ABI3BP: variants seen among roughly 807,000 people sequenced by gnomAD.
The protein encoded by ABI3BP is ABI family member 3 binding protein, also known as target of Nesh-SH3.
In ABI3BP, 216 loss-of-function variants were observed where a neutral mutation model predicts 268.6. The observed-to-expected ratio is 0.80, with a 90% CI of 0.72 to 0.90. ABI3BP has a LOEUF of 0.90. Among genes scored for constraint, ABI3BP ranks in the 40% least tolerant of loss-of-function variants. The pLI is 0.00. For synonymous variants in ABI3BP, 730 were observed against 730.0 expected (o/e 1.00, Z 0.00); for missense variants, 2,090 against 2,182.4 (o/e 0.96, Z 0.84).
At chr3:100,904,350 A>C (rs2052133817) in intron 2 of ABI3BP, among the ~76,000 whole-genome samples, 1 of 152,156 alleles carries the variant, frequency 6.6e-6, no homozygotes, top group Non-Finnish European at 1.5e-5. Flanking sequence ...TGTGTTTTGC[A>C]AGGGAAGTCT....
intron 17 of ABI3BP, 129 bp downstream of exon 17, chr3:100,849,916 G>C (rs1210733590): frequency 2.7e-6 from 2 of 727,494 alleles, no homozygotes; most frequent in African/African-American, 3.5e-5. Context: ...GAATTTCATG[G>C]TAGAGACTGA....
At chr3:100,795,781 G>A in intron 53 of ABI3BP, 23 bp downstream of exon 53, 1 of 1,281,920 alleles carries the variant, frequency 7.8e-7, no homozygotes, top group Non-Finnish European at 1.0e-6. Context: ...AAACAGAGTT[G>A]GTCAATATGG....
In ABI3BP at chr3:100,828,446, G is replaced by A; in HGVS notation, c.2549C>T (p.Ala850Val). The change falls in exon 34 of 68, where the codon GCT (alanine) becomes GTT (valine). Residue 850 changes from alanine (A) to valine (V), a missense_variant. Transcript: ENST00000471714. ...PEELQTELVPATIFEPVSPIK... is the reference protein window; with the variant it reads ...PEELQTELVPVTIFEPVSPIK... ...AGGAGAAACTGGTTCAAAGATTGTA[G>A]CAGGAACTGGCCAAAAATAATAAAA... The A allele has an allele frequency of 2.6e-6, 4 of 1,534,460 alleles. No homozygotes were observed. Among genetic ancestry groups the A allele is most frequent in the Non-Finnish European group, 3.5e-6 (4 of 1,145,750 alleles).
intron 1 of ABI3BP, among the ~76,000 whole-genome samples, chr3:100,929,059 G>A (rs1393759003): frequency 6.6e-6 from 1 of 151,912 alleles, no homozygotes; most frequent in Non-Finnish European, 1.5e-5. Context: ...ATGTAAAATC[G>A]AACACATATT....
chr3:100,963,023 C>T (rs2079699411), intron 1 of ABI3BP, among the ~76,000 whole-genome samples: 1 of 152,142 alleles, frequency 6.6e-6, no homozygotes, highest in Admixed American at 6.5e-5. Flanking sequence ...TTTTCTAGTA[C>T]AGGAAATAAC....
In ABI3BP at chr3:100,752,297, A is replaced by G. The variant is rs137929220; in HGVS notation, c.5122+490T>C. On this transcript the variant is annotated intron_variant, in intron 66 of 67. Transcript: ENST00000471714. Reference sequence around the variant, plus strand: ...TGTGTTCAGCACTTAGAAGAGTTGAATGACTGAAAAAAATCTACTTTTTAA... The same window carrying G: ...TGTGTTCAGCACTTAGAAGAGTTGAGTGACTGAAAAAAATCTACTTTTTAA... 2.8e-3 allele frequency among the ~76,000 whole-genome samples: 430 copies of G among 152,340 alleles called. 2 individuals carry two copies. The highest frequency in any genetic ancestry group is 0.01 in the African/African-American group (416 of 41,578).
At chr3:100,808,292 A>G in intron 49 of ABI3BP, 57 bp from the exon 50 acceptor site, 1 of 1,272,070 alleles carries the variant, frequency 7.9e-7, no homozygotes, top group Non-Finnish European at 1.1e-6. Context: ...GACAGTACCT[A>G]AGCCTCTAGA....
intron 1 of ABI3BP, among the ~76,000 whole-genome samples, chr3:100,991,794 T>G (rs566481990): frequency 6.6e-6 from 1 of 152,294 alleles, no homozygotes; most frequent in South Asian, 2.1e-4. Context: ...TCTTTCCCAT[T>G]ATAAATAAAG....
At chr3:100,924,511 T>A (rs1314151221) in intron 2 of ABI3BP, among the ~76,000 whole-genome samples, 2 of 152,154 alleles carry the variant, frequency 1.3e-5, no homozygotes, top group African/African-American at 2.4e-5. Flanking sequence ...ATACAGTATG[T>A]ATGAAAGAAT....
chr3:100,896,041 G>A (rs765405339), intron 4 of ABI3BP, among the ~76,000 whole-genome samples: 19 of 152,180 alleles, frequency 1.2e-4, no homozygotes, highest in Non-Finnish European at 2.6e-4. Flanking sequence ...AGTCATTACT[G>A]TTTAATTCTT....
In ABI3BP at chr3:100,953,407, A is replaced by G. The variant is rs1584748207; in HGVS notation, c.80-26926T>C. ...AAGAAAAAATAGACTATCACAAAAT[A>G]ATGTCATAGGCACAGGCTAAATAGC... On this transcript the variant is annotated intron_variant, in intron 1 of 67. Transcript: ENST00000471714. Among the ~76,000 whole-genome samples, 4 of 152,216 alleles carry G rather than the reference A, an allele frequency of 2.6e-5. No homozygotes were observed. In the East Asian group the frequency reaches 7.7e-4, roughly 29 times the overall value.
At chr3:100,792,603 T>A (rs1336217663) in intron 55 of ABI3BP, 88 bp downstream of exon 55, 4 of 1,366,658 alleles carry the variant, frequency 2.9e-6, no homozygotes, top group Non-Finnish European at 4.1e-6. Context: ...TCCACTGTGT[T>A]GAGAAATGAC....
At chr3:100,944,050 G>A (rs1449027222) in intron 1 of ABI3BP, among the ~76,000 whole-genome samples, 3 of 152,028 alleles carry the variant, frequency 2.0e-5, no homozygotes, top group Non-Finnish European at 4.4e-5. Context: ...CATCTTCACT[G>A]AAAAGCTAAA....
chr3:100,917,692 G>A (rs1469174084), intron 2 of ABI3BP, among the ~76,000 whole-genome samples: 2 of 152,152 alleles, frequency 1.3e-5, no homozygotes, highest in Non-Finnish European at 2.9e-5. Flanking sequence ...TCAGTGCATT[G>A]TGGGTTACAT....
chr3:100,902,865 A>G (rs2051133443), intron 2 of ABI3BP, among the ~76,000 whole-genome samples, 179 bp from the exon 3 acceptor site: 1 of 152,218 alleles, frequency 6.6e-6, no homozygotes, highest in Admixed American at 6.5e-5. Flanking sequence ...AAGTCATTAA[A>G]ATGAAAATTA....
At chr3:100,928,189 A>C (rs1396318450) in intron 1 of ABI3BP, among the ~76,000 whole-genome samples, 19 of 152,016 alleles carry the variant, frequency 1.2e-4, no homozygotes, top group Admixed American at 6.6e-5. Context: ...ATTCCAAAAC[A>C]TGTCTGGCCC....
chr3:100,840,141 C>T lies in ABI3BP; in HGVS notation c.1828G>A (p.Gly610Ser), dbSNP rs1399299803. Residue 610 changes from glycine to serine, a missense_variant, in exon 23 of 68, where the codon GGT (glycine) becomes AGT (serine). Gly to Ser is a moderately conservative substitution (Grantham distance 56, BLOSUM62 0). Transcript: ENST00000471714. ...CGGGGACGGGGGCGGGGGCGACGAC[C>T]TGGTCTTTTGGTCTTTCGTGGTGCT... ...TLAPRKTKRP[G>S]RRPRPRPRPK... The T allele has an allele frequency of 6.5e-7, 1 of 1,532,912 alleles. No homozygotes were observed. The highest frequency in any genetic ancestry group is 2.5e-5 in the East Asian group (1 of 40,630). 95.0% of individuals were successfully genotyped at this position (1,532,912 alleles called of 1,614,324 possible).
At chr3:100,944,480 G>A (rs1012934904) in intron 1 of ABI3BP, among the ~76,000 whole-genome samples, 1 of 152,002 alleles carries the variant, frequency 6.6e-6, no homozygotes, top group African/African-American at 2.4e-5. Context: ...CATCCTGCAT[G>A]TACAAGATTA....
At chr3:100,985,832 C>G (rs924486096) in intron 1 of ABI3BP, among the ~76,000 whole-genome samples, 1 of 152,192 alleles carries the variant, frequency 6.6e-6, no homozygotes, top group Non-Finnish European at 1.5e-5. Context: ...CCACAAAATG[C>G]TTAATTCTTT....
Sources: allele counts gnomAD v4.1 joint callset (sites outside exome capture counted in the v4.1 genomes callset), GRCh38; gene constraint gnomAD v4.1.1; transcripts MANE v1.5; gene names NCBI Gene and HGNC (gene_info 2026-07-23, HGNC 2026-07-21).